Variants in GLCE observed in about 807,000 individuals in gnomAD.
The protein encoded by GLCE is D-glucuronyl C5-epimerase.
GLCE carries 19 observed loss-of-function variants against 47.9 expected under a neutral mutation model. The ratio of observed to expected loss-of-function variants is 0.40; its 90% CI spans 0.28 to 0.58. The LOEUF is 0.58. Ranked by LOEUF, GLCE falls within the 20% of genes least tolerant of loss-of-function variation. The pLI, the probability that GLCE is intolerant of heterozygous loss-of-function variation, is 0.48. For missense variants in GLCE, 556 were observed against 743.3 expected, an observed-to-expected ratio of 0.75 and a Z score of 2.93; for synonymous variants, 245 against 263.4, an observed-to-expected ratio of 0.93 and a Z score of 0.68.
rs2053152487 is a variant in GLCE at position 69,270,568 on chromosome 15, A to G, written c.*1324A>G. The G allele has an allele frequency of 6.6e-6, 1 of 152,180 alleles. No individual in the cohort carries two copies. The highest frequency in any genetic ancestry group is 2.4e-5 in the African/African-American group (1 of 41,430). 9.4% of individuals were successfully genotyped at this position (152,180 alleles called of 1,614,324 possible). On this transcript the variant is annotated 3_prime_UTR_variant, in exon 5 of 5. Coordinates refer to ENST00000261858, the MANE Select transcript of GLCE (RefSeq NM_015554.3). ...ATATCTTATACAGTTTGAAAATATG[A>G]TACCCTACACTTTCAGGGGACCGAG... is the stretch of plus-strand genomic sequence containing the variant.
intron 2 of GLCE, among the ~76,000 whole-genome samples, chr15:69,230,363 C>G (rs929390479): frequency 6.6e-6 from 1 of 151,952 alleles, no homozygotes; most frequent in Non-Finnish European, 1.5e-5. Flanking sequence ...TAAAAGGGGT[C>G]AGTTTACCAA....
Position 69,268,411 on chromosome 15 carries a change from A to G in GLCE, c.1021A>G (p.Ile341Val), listed in dbSNP as rs943147228. The G allele has an allele frequency of 1.9e-6, 3 of 1,613,862 alleles. No individual in the cohort carries two copies. The highest frequency in any genetic ancestry group is 2.5e-6 in the Non-Finnish European group (3 of 1,179,752). ...AFKERDIYYG[I>V]GPRTSWSTVT... ...TAAAGAAAGAGATATATACTATGGC[A>G]TTGGGCCCAGAACTTCATGGAGCAC... Residue 341 changes from isoleucine to valine, a missense_variant, in exon 5 of 5, where the codon ATT becomes GTT. By Grantham distance (29) the Ile-to-Val change is conservative. Around this residue, in one of 3 missense-constraint regions of GLCE, gnomAD observed 245 missense variants for 368.1 expected, o/e 0.67. Coordinates refer to ENST00000261858, the MANE Select transcript of GLCE (RefSeq NM_015554.3).
At chr15:69,261,392 T>C (rs1340148325) in intron 4 of GLCE, 63 bp downstream of exon 4, 2 of 1,475,110 alleles carry the variant, frequency 1.4e-6, no homozygotes, top group Non-Finnish European at 1.8e-6. Context: ...TGATAGTCCC[T>C]TAAAATTTTA....
At chr15:69,231,434 C>T (rs1265957929) in intron 2 of GLCE, among the ~76,000 whole-genome samples, 1 of 152,040 alleles carries the variant, frequency 6.6e-6, no homozygotes, top group East Asian at 1.9e-4. Flanking sequence ...CAGGCGCCCG[C>T]CACCATGCCC....
At chr15:69,164,877 A>G (rs1261256456) in intron 1 of GLCE, among the ~76,000 whole-genome samples, 1 of 152,206 alleles carries the variant, frequency 6.6e-6, no homozygotes, top group African/African-American at 2.4e-5. Context: ...ATATAATAAT[A>G]TGTCCTTACT....
intron 2 of GLCE, among the ~76,000 whole-genome samples, chr15:69,242,916 G>C (rs1297762979): frequency 6.6e-6 from 1 of 151,764 alleles, no homozygotes; most frequent in Non-Finnish European, 1.5e-5. Flanking sequence ...AATTAGCCAA[G>C]CATGATGGTG....
chr15:69,246,708 TC>T (rs1323306114), intron 2 of GLCE, among the ~76,000 whole-genome samples: 1 of 140,138 alleles, frequency 7.1e-6, no homozygotes, highest in African/African-American at 2.8e-5. Flanking sequence ...ACAGTGAGAC[TC>T]CATCTCAGAA....
At chr15:69,174,861 G>T (rs2140333124) in intron 1 of GLCE, among the ~76,000 whole-genome samples, 1 of 152,060 alleles carries the variant, frequency 6.6e-6, no homozygotes, top group South Asian at 2.1e-4. Flanking sequence ...TTTTTTTAAA[G>T]TCATCTCGGG....
chr15:69,161,438 G>C (rs1188729232), intron 1 of GLCE, among the ~76,000 whole-genome samples: 2 of 151,962 alleles, frequency 1.3e-5, no homozygotes, highest in African/African-American at 2.4e-5. Flanking sequence ...CGTCTGGCCG[G>C]GGTTTCTGCT....
Position 69,271,052 on chromosome 15 carries a change from C to G in GLCE, c.*1808C>G, listed in dbSNP as rs768205221. The G allele has an allele frequency of 6.6e-6, 1 of 152,598 alleles. No homozygotes were observed. Among genetic ancestry groups the G allele is most frequent in the Non-Finnish European group, 1.5e-5 (1 of 68,030 alleles). The allele number at this position is 152,598 out of a possible 1,614,324, so 9.5% of individuals were successfully genotyped here. A position where few individuals can be genotyped will look rare whatever the true frequency, so the allele number is the denominator to read the frequency against. ...TTGTTATTATTTAGAATGGTTCATA[C>G]GTCTGCTTTGTTTGCATACTGGTCT... is the stretch of plus-strand genomic sequence containing the variant. On this transcript the variant is annotated 3_prime_UTR_variant, in exon 5 of 5. Transcript: ENST00000261858.
chr15:69,189,286 A>G (rs1033245039), intron 1 of GLCE, among the ~76,000 whole-genome samples: 1 of 152,170 alleles, frequency 6.6e-6, no homozygotes, highest in East Asian at 1.9e-4. Context: ...GAAATCATAT[A>G]GTATGTCACC....
intron 4 of GLCE, among the ~76,000 whole-genome samples, chr15:69,263,278 G>C (rs1595791094): frequency 6.6e-6 from 1 of 152,120 alleles, no homozygotes; most frequent in African/African-American, 2.4e-5. Context: ...TGAAGCATAG[G>C]TATGAGAAAT....
intron 1 of GLCE, among the ~76,000 whole-genome samples, chr15:69,170,818 C>T (rs1017499858): frequency 2.1e-4 from 32 of 152,150 alleles, no homozygotes; most frequent in African/African-American, 7.5e-4. Context: ...TGAATCAGTT[C>T]TTTGACAATA....
chr15:69,254,602 A>G (rs943414109), intron 2 of GLCE, among the ~76,000 whole-genome samples: 2 of 152,184 alleles, frequency 1.3e-5, no homozygotes, highest in African/African-American at 4.8e-5. Flanking sequence ...TATAATTTGA[A>G]GGTAGAACCA....
chr15:69,252,794 A>G (rs1034457460), intron 2 of GLCE, among the ~76,000 whole-genome samples: 2 of 152,130 alleles, frequency 1.3e-5, no homozygotes, highest in Non-Finnish European at 2.9e-5. Context: ...AATAAACACC[A>G]TTTAGTGTTA....
At chr15:69,216,477 T>C (rs896048390) in intron 2 of GLCE, among the ~76,000 whole-genome samples, 2 of 152,140 alleles carry the variant, frequency 1.3e-5, no homozygotes, top group Non-Finnish European at 2.9e-5. Flanking sequence ...GACTTATATT[T>C]AGTTTCTGTC....
intron 2 of GLCE, among the ~76,000 whole-genome samples, chr15:69,217,470 G>T (rs542115575): frequency 6.6e-6 from 1 of 151,876 alleles, no homozygotes; most frequent in South Asian, 2.1e-4. Flanking sequence ...AAAGAAGAAA[G>T]AATGTGGGTT....
rs1290238010 is a variant in GLCE at position 69,160,769 on chromosome 15, C to G, written c.-105+12C>G. On this transcript the variant is annotated intron_variant, in intron 1 of 4. Coordinates refer to ENST00000261858, the MANE Select transcript of GLCE (RefSeq NM_015554.3). This position sits in a 1 kb window ranked among gnomAD's most constrained non-coding sequence, Gnocchi z 4.2. ...CCGACGCTGCTCAGGTTAGAAAGCCCGGAGCGCGTCTCCGCTGAGGAGCGG... is the reference window on the plus strand; with the variant it reads ...CCGACGCTGCTCAGGTTAGAAAGCCGGGAGCGCGTCTCCGCTGAGGAGCGG... 6.6e-6 allele frequency: 1 copy of G among 152,632 alleles called. No individual in the cohort carries two copies. The highest frequency in any genetic ancestry group is 6.5e-5 in the Admixed American group (1 of 15,292). The allele number at this position is 152,632 out of a possible 1,614,324, so 9.5% of individuals were successfully genotyped here. A position where few individuals can be genotyped will look rare whatever the true frequency, so the allele number is the denominator to read the frequency against.
intron 2 of GLCE, among the ~76,000 whole-genome samples, chr15:69,248,565 G>C (rs764502161): frequency 7.9e-5 from 12 of 152,086 alleles, no homozygotes; most frequent in African/African-American, 2.4e-4. Context: ...AGGGAGCAAC[G>C]GAGAGGAAAG....
Sources: gnomAD v4.1 joint callset for allele counts (sites outside exome capture counted in the v4.1 genomes callset) on GRCh38, gnomAD v4.1.1 for gene constraint, gnomAD v4.1.1 regional missense constraint, Gnocchi (gnomAD v3.1) non-coding constraint, MANE v1.5 for transcripts, NCBI Gene and HGNC (gene_info 2026-07-23, HGNC 2026-07-21) for gene names.